CDHR2: variants seen among roughly 807,000 people sequenced by gnomAD.
CDHR2 encodes cadherin related family member 2, also known as cadherin-related family member 2.
CDHR2 carries 104 observed loss-of-function variants against 138.6 expected under a neutral mutation model. That is an observed-to-expected ratio of 0.75 (90% confidence interval 0.64 to 0.88). The LOEUF (loss-of-function observed/expected upper bound fraction) is 0.88, where lower values mean the gene tolerates loss of function less well. Among genes scored for constraint, CDHR2 ranks in the 40% least tolerant of loss-of-function variants. The pLI, the probability that CDHR2 is intolerant of heterozygous loss-of-function variation, is 0.00. For synonymous variants in CDHR2, 755 were observed against 742.8 expected (o/e 1.02, Z -0.27); for missense variants, 1,624 against 1,727.6 (o/e 0.94, Z 1.06).
chr5:176,571,350 G>A (rs780969744), intron 6 of CDHR2, 48 bp downstream of exon 6: 2 of 1,384,276 alleles, frequency 1.4e-6, no homozygotes, highest in Non-Finnish European at 2.0e-6. Flanking sequence ...ATCCCAAAGT[G>A]CTTCTCAGAG....
Position 176,575,405 on chromosome 5 carries a change from T to C in CDHR2, c.747T>C (p.Ser249=). The change falls in exon 9 of 32, where the codon TCT becomes TCC. Residue 249 remains serine, a synonymous_variant. Coordinates refer to ENST00000261944, the MANE Select transcript of CDHR2 (RefSeq NM_017675.6). ...TTGTCAGGGAGTTTTACTCGGCCTC[T>C]GTGGCTGAGGATGCAGCCAAGGTGC... ...PQFVREFYSA[S]VAEDAAKGTS... is the part of the protein sequence containing the mutation. 6.2e-7 allele frequency: 1 copy of C among 1,614,220 alleles called. No homozygotes were observed. Among genetic ancestry groups the C allele is most frequent in the Non-Finnish European group, 8.5e-7 (1 of 1,180,026 alleles).
intron 22 of CDHR2, 29 bp downstream of exon 22, chr5:176,589,211 T>C (rs1298194315): frequency 6.2e-7 from 1 of 1,612,638 alleles, no homozygotes; most frequent in Non-Finnish European, 8.5e-7. Context: ...GGGAGGGAGG[T>C]TGCGGGGAGG....
intron 3 of CDHR2, chr5:176,567,098 A>C (rs1450658842): frequency 2.2e-6 from 1 of 447,500 alleles, no homozygotes; most frequent in Non-Finnish European, 4.5e-6. Flanking sequence ...GTTCTAGTCA[A>C]TCTCTGCTCC....
At chr5:176,575,897 ATCTC>A (rs957973730) in intron 11 of CDHR2, 51 bp from the exon 12 acceptor site, 15 of 1,565,824 alleles carry the variant, frequency 9.6e-6, no homozygotes, top group Non-Finnish European at 1.3e-5. Flanking sequence ...CTGGCCTTTG[ATCTC>A]TCTCTCTGAG....
chr5:176,544,427 T>TTTTCTTTCTTTC (rs59658300), upstream of CDHR2, among the ~76,000 whole-genome samples: 83 of 137,990 alleles, frequency 6.0e-4, no homozygotes, highest in African/African-American at 2.2e-3. Context: ...TTTTCCTTTA[T>TTTTCTTTCTTTC]TTTCTTTCTT....
At chr5:176,548,249 A>T (rs1299519314), upstream of CDHR2, among the ~76,000 whole-genome samples, 1 of 152,266 alleles carries the variant, frequency 6.6e-6, no homozygotes, top group Non-Finnish European at 1.5e-5. Flanking sequence ...GCATGACTAT[A>T]TATCTATTGT....
chr5:176,572,602 A>G (rs888318447), intron 6 of CDHR2, among the ~76,000 whole-genome samples: 8 of 152,108 alleles, frequency 5.3e-5, no homozygotes, highest in African/African-American at 1.9e-4. Context: ...CCTTCCCCGC[A>G]GCAAGGGGGA....
At position 176,595,817 on chromosome 5, in the gene CDHR2, A is replaced by C. The variant is rs1054021715; in HGVS notation, c.*145A>C. On this transcript the variant is annotated 3_prime_UTR_variant, in exon 32 of 32. Coordinates refer to ENST00000261944, the MANE Select transcript of CDHR2 (RefSeq NM_017675.6). ...CAGACAGGGGTTGGGGAAATATTTTATTACCAATGTATACTGTGACAGTTT... is the reference window on the plus strand; with the variant it reads ...CAGACAGGGGTTGGGGAAATATTTTCTTACCAATGTATACTGTGACAGTTT... The C allele has an allele frequency of 1.2e-6, 1 of 803,258 alleles. No individual in the cohort carries two copies. Among genetic ancestry groups the C allele is most frequent in the Non-Finnish European group, 1.8e-6 (1 of 549,436 alleles). The allele number at this position is 803,258 out of a possible 1,614,324, so 49.8% of individuals were successfully genotyped here.
At chr5:176,583,787 C>T (rs749186) in intron 17 of CDHR2, among the ~76,000 whole-genome samples, 1 of 152,110 alleles carries the variant, frequency 6.6e-6, no homozygotes. Context: ...GGCCTTGGAG[C>T]CTTTGTGGAC....
intron 1 of CDHR2, among the ~76,000 whole-genome samples, chr5:176,564,328 G>A (rs1758034786): frequency 6.6e-6 from 1 of 152,188 alleles, no homozygotes; most frequent in Non-Finnish European, 1.5e-5. Context: ...TGGGATTACA[G>A]GCACCCACCA....
intron 6 of CDHR2, among the ~76,000 whole-genome samples, chr5:176,572,768 C>T (rs1276498766): frequency 1.3e-5 from 2 of 152,340 alleles, no homozygotes; most frequent in African/African-American, 4.8e-5. Flanking sequence ...CACGTGTGGT[C>T]TGGACAGCCA....
Position 176,575,417 on chromosome 5 carries a change from T to G in CDHR2, c.759T>G (p.Asp253Glu), listed in dbSNP as rs1291130811. 1.2e-6 allele frequency: 2 copies of G among 1,614,080 alleles called. No individual in the cohort carries two copies. The highest frequency in any genetic ancestry group is 1.3e-5 in the African/African-American group (1 of 74,932). The change falls in exon 9 of 32, where the codon GAT (aspartate) becomes GAG (glutamate). Residue 253 changes from aspartate (D) to glutamate (E), a missense_variant. Physicochemically the swap from Asp to Glu is conservative, Grantham distance 45. Transcript: ENST00000261944. The part of the protein sequence containing the change: ...REFYSASVAE[D>E]AAKGTSVLTV... ...TTTACTCGGCCTCTGTGGCTGAGGA[T>G]GCAGCCAAGGTGCACGGGGGACCTG...
rs12514656 is a variant in CDHR2 at position 176,553,944 on chromosome 5, T to C, written c.-16+4530T>C. Among the ~76,000 whole-genome samples, 146,975 of 152,272 alleles carry C rather than the reference T, an allele frequency of 0.97. 71,155 individuals carry two copies. The highest frequency in any genetic ancestry group is 1 in the East Asian group (5,180 of 5,180). ...AGCGCTATGATGTCACTCTCCAGGG[T>C]GTAGCTGTACCCACATCGCTGTCCC... On this transcript the variant is annotated intron_variant, in intron 1 of 31. Coordinates refer to ENST00000261944, the MANE Select transcript of CDHR2 (RefSeq NM_017675.6). This position sits in a 1 kb window ranked among gnomAD's most constrained non-coding sequence, Gnocchi z 4.3.
In CDHR2 at chr5:176,595,708, C is replaced by A. The variant is rs368523225; in HGVS notation, c.*36C>A. 5.4e-6 allele frequency: 8 copies of A among 1,482,738 alleles called. No homozygotes were observed. Among genetic ancestry groups the A allele is most frequent in the Non-Finnish European group, 7.2e-6 (8 of 1,109,254 alleles). 91.8% of individuals were successfully genotyped at this position (1,482,738 alleles called of 1,614,324 possible). A position where few individuals can be genotyped will look rare whatever the true frequency, so the allele number is the denominator to read the frequency against. On this transcript the variant is annotated 3_prime_UTR_variant, in exon 32 of 32. Transcript: ENST00000261944. ...CACTCTTCTGGACCCCTTGAAGAGG[C>A]CCTACCACACCCTAACTGCACCTGT...
rs1298291952 is a variant in CDHR2 at position 176,553,450 on chromosome 5, G to C, written c.-16+4036G>C. 9.9e-5 allele frequency among the ~76,000 whole-genome samples: 15 copies of C among 152,204 alleles called. No homozygotes were observed. Among genetic ancestry groups the C allele is most frequent in the Non-Finnish European group, 2.2e-4 (15 of 68,030 alleles). The stretch of plus-strand genomic sequence containing the variant: ...GAGGGCAGGAATCTCCTGTCCTGCA[G>C]GCTGGACCCAGGGGAACTTTGTAAT... On this transcript the variant is annotated intron_variant, in intron 1 of 31. Coordinates refer to ENST00000261944, the MANE Select transcript of CDHR2 (RefSeq NM_017675.6). The surrounding 1 kb of genome is among the most constrained non-coding windows in gnomAD (Gnocchi z 4.3).
intron 6 of CDHR2, 58 bp from the exon 7 acceptor site, chr5:176,574,024 CG>C: frequency 7.6e-7 from 1 of 1,319,804 alleles, no homozygotes; most frequent in Non-Finnish European, 1.1e-6. Context: ...GGGGCAGTGA[CG>C]GACAAGGGAG....
chr5:176,584,134 G>C (rs1758590730), intron 17 of CDHR2, 56 bp from the exon 18 acceptor site: 1 of 1,448,074 alleles, frequency 6.9e-7, no homozygotes, highest in Admixed American at 1.7e-5. Flanking sequence ...TTCTCGGATT[G>C]GCTCTGGGGA....
At chr5:176,559,242 G>A (rs559887778) in intron 1 of CDHR2, among the ~76,000 whole-genome samples, 2 of 152,280 alleles carry the variant, frequency 1.3e-5, no homozygotes, top group South Asian at 4.1e-4. Flanking sequence ...TTCAAGAGGA[G>A]GAATTAGACT....
intron 16 of CDHR2, among the ~76,000 whole-genome samples, chr5:176,579,610 A>C (rs1545976): frequency 6.6e-6 from 1 of 152,134 alleles, no homozygotes; most frequent in East Asian, 1.9e-4. Flanking sequence ...AGGGCACCAA[A>C]GGATGAGCAG....
Sources: allele counts gnomAD v4.1 joint callset (sites outside exome capture counted in the v4.1 genomes callset), GRCh38; gene constraint gnomAD v4.1.1; non-coding constraint Gnocchi (gnomAD v3.1); transcripts MANE v1.5; gene names NCBI Gene and HGNC (gene_info 2026-07-23, HGNC 2026-07-21).